Variants in ROBO2 observed in about 807,000 individuals in gnomAD.
The protein encoded by ROBO2 is roundabout guidance receptor 2.
A neutral mutation model predicts 160.8 loss-of-function variants in ROBO2; 53 were observed. The observed-to-expected ratio is 0.33, with a 90% confidence interval of 0.26 to 0.41. The LOEUF is 0.41. Ranked by LOEUF, ROBO2 falls within the 10% of genes least tolerant of loss-of-function variation. ROBO2 has a pLI of 1.00. For missense variants in ROBO2, 1,577 were observed against 1,722.4 expected (o/e 0.92, Z 1.49); for synonymous variants, 664 against 611.7 (o/e 1.09, Z -1.26).
chr3:77,143,100 A>AGCAAACT (rs141191686), intron 2 of ROBO2, among the ~76,000 whole-genome samples: 10,182 of 151,726 alleles, frequency 0.067, 363 homozygotes, highest in Admixed American at 0.094. Flanking sequence ...ATAAACAAAA[A>AGCAAACT]GCAAACTGCC....
intron 2 of ROBO2, among the ~76,000 whole-genome samples, chr3:76,906,613 C>T (rs1484802130): frequency 6.6e-6 from 1 of 151,932 alleles, no homozygotes; most frequent in Non-Finnish European, 1.5e-5. Context: ...TTGTTGTTAT[C>T]CAGTTTACAG....
intron 2 of ROBO2, among the ~76,000 whole-genome samples, chr3:76,251,107 C>T (rs541431677): frequency 6.6e-6 from 1 of 151,998 alleles, no homozygotes; most frequent in African/African-American, 2.4e-5. Context: ...ACCCTTCCTA[C>T]CCCTGCAGCC....
At chr3:76,576,513 A>C (rs1281504705) in intron 2 of ROBO2, among the ~76,000 whole-genome samples, 1 of 152,030 alleles carries the variant, frequency 6.6e-6, no homozygotes, top group African/African-American at 2.4e-5. Context: ...AGTAGACCCC[A>C]TATCACTGGT....
intron 2 of ROBO2, among the ~76,000 whole-genome samples, chr3:77,101,246 T>A (rs1199327272): frequency 6.6e-6 from 1 of 152,216 alleles, no homozygotes; most frequent in Non-Finnish European, 1.5e-5. Flanking sequence ...TTAGGAATTA[T>A]AAACTATGTG....
chr3:76,657,879 T>C (rs1456415657), intron 2 of ROBO2, among the ~76,000 whole-genome samples: 1 of 148,256 alleles, frequency 6.7e-6, no homozygotes, highest in Non-Finnish European at 1.5e-5. Flanking sequence ...TATATGTGTG[T>C]GTGTGTATAT....
intron 2 of ROBO2, among the ~76,000 whole-genome samples, chr3:76,171,446 G>T (rs2073036626): frequency 1.3e-5 from 2 of 151,446 alleles, no homozygotes; most frequent in African/African-American, 2.4e-5. Context: ...TTTGTTTTTT[G>T]TTGTTGTTTG....
chr3:76,372,948 T>A (rs1306857155), intron 2 of ROBO2, among the ~76,000 whole-genome samples: 2 of 151,972 alleles, frequency 1.3e-5, no homozygotes, highest in South Asian at 4.1e-4. Context: ...GAGATTTTCC[T>A]TGGACATTAT....
At chr3:76,847,699 CA>C (rs1240057086) in intron 2 of ROBO2, among the ~76,000 whole-genome samples, 1 of 151,986 alleles carries the variant, frequency 6.6e-6, no homozygotes, top group Non-Finnish European at 1.5e-5. Context: ...TCCCCTTTCT[CA>C]GTATATTTTT....
intron 2 of ROBO2, among the ~76,000 whole-genome samples, chr3:76,887,699 T>A (rs1392802310): frequency 6.6e-6 from 1 of 152,224 alleles, no homozygotes; most frequent in African/African-American, 2.4e-5. Flanking sequence ...AATATTCACC[T>A]GCAATTACAT....
chr3:76,513,343 TTATC>T (rs1342061588), intron 2 of ROBO2, among the ~76,000 whole-genome samples: 1 of 145,160 alleles, frequency 6.9e-6, no homozygotes, highest in Non-Finnish European at 1.6e-5. Context: ...ATTTATTTAT[TTATC>T]TATTTATTTA....
chr3:76,614,924 A>T (rs2088453981), intron 2 of ROBO2, among the ~76,000 whole-genome samples: 2 of 152,098 alleles, frequency 1.3e-5, no homozygotes, highest in South Asian at 4.1e-4. Context: ...TGAAAGCAAG[A>T]TTCCTTCACT....
At chr3:77,081,270 G>A (rs2068625393) in intron 1 of ROBO2, among the ~76,000 whole-genome samples, 1 of 152,178 alleles carries the variant, frequency 6.6e-6, no homozygotes, top group Admixed American at 6.5e-5. Context: ...AAGGGGCATT[G>A]ACACAAGAGT....
At chr3:77,356,269 C>T (rs2069107436) in intron 2 of ROBO2, among the ~76,000 whole-genome samples, 1 of 151,974 alleles carries the variant, frequency 6.6e-6, no homozygotes, top group Non-Finnish European at 1.5e-5. Flanking sequence ...ACAATTTGTT[C>T]AGCATGATTC....
Position 75,925,980 on chromosome 3 carries a change from C to G in ROBO2, c.-13-11501C>G, listed in dbSNP as rs534277304. ...TTTCTTAAAAGTAAACAAAAATGTTCCTTTTGATAAACAACGTGTAGTGCA... is the reference window on the plus strand; with the variant it reads ...TTTCTTAAAAGTAAACAAAAATGTTGCTTTTGATAAACAACGTGTAGTGCA... On this transcript the variant is annotated intron_variant, in intron 1 of 26. Transcript: ENST00000487694. Among the ~76,000 whole-genome samples, 3 of 152,220 alleles carry G rather than the reference C, an allele frequency of 2.0e-5. No homozygotes were observed. The East Asian group carries it at 5.8e-4, about 29-fold the overall frequency.
chr3:77,348,622 G>A (rs933088039), intron 2 of ROBO2, among the ~76,000 whole-genome samples: 1 of 152,082 alleles, frequency 6.6e-6, no homozygotes, highest in African/African-American at 2.4e-5. Context: ...TTGTTCACAC[G>A]CCTCTGACAA....
intron 2 of ROBO2, among the ~76,000 whole-genome samples, chr3:76,428,728 G>A (rs2076318150): frequency 6.6e-6 from 1 of 152,148 alleles, no homozygotes; most frequent in African/African-American, 2.4e-5. Context: ...ATTATTAGTG[G>A]ACAGAAAATA....
intron 2 of ROBO2, among the ~76,000 whole-genome samples, chr3:76,285,831 C>T (rs963547053): frequency 1.3e-5 from 2 of 152,072 alleles, no homozygotes. Flanking sequence ...TCTCTATTTT[C>T]TTATTTCTTG....
chr3:76,221,755 AC>A, intron 2 of ROBO2, among the ~76,000 whole-genome samples: 1 of 152,206 alleles, frequency 6.6e-6, no homozygotes, highest in South Asian at 2.1e-4. Flanking sequence ...CCATTGCCAC[AC>A]TTTTTTGTCT....
intron 2 of ROBO2, among the ~76,000 whole-genome samples, chr3:76,736,806 C>G (rs2093720017): frequency 6.6e-6 from 1 of 152,132 alleles, no homozygotes; most frequent in South Asian, 2.1e-4. Flanking sequence ...TTGGATAAAG[C>G]CTAGCATAAA....
Sources: gnomAD v4.1 joint callset for allele counts (sites outside exome capture counted in the v4.1 genomes callset) on GRCh38, gnomAD v4.1.1 for gene constraint, MANE v1.5 for transcripts, NCBI Gene and HGNC (gene_info 2026-07-23, HGNC 2026-07-21) for gene names.